Variants in FCMR observed in about 807,000 individuals in gnomAD.
FCMR encodes the protein immunoglobulin mu Fc receptor.
In FCMR, 34 loss-of-function variants were observed where a neutral mutation model predicts 41.6. The observed-to-expected ratio is 0.82, with a 90% confidence interval of 0.62 to 1.09. FCMR has a LOEUF of 1.09. Among genes scored for constraint, FCMR ranks in the 50% least tolerant of loss-of-function variants. FCMR has a pLI of 0.00. For missense variants in FCMR, 496 were observed against 512.5 expected, an observed-to-expected ratio of 0.97 and a Z score of 0.31; for synonymous variants, 209 against 211.8, an observed-to-expected ratio of 0.99 and a Z score of 0.12.
At chr1:206,915,654 G>T (rs1275113560) in intron 1 of FCMR, among the ~76,000 whole-genome samples, 1 of 152,208 alleles carries the variant, frequency 6.6e-6, no homozygotes, top group East Asian at 1.9e-4. Flanking sequence ...TGGGAAGAAA[G>T]TTCATAGGGT....
At chr1:206,920,309 G>T (rs1291962955) in intron 1 of FCMR, among the ~76,000 whole-genome samples, 2 of 152,114 alleles carry the variant, frequency 1.3e-5, no homozygotes, top group African/African-American at 4.8e-5. Context: ...ACAAAATTTA[G>T]CCTGTCACGA....
intron 7 of FCMR, chr1:206,908,279 TC>T: frequency 1.0e-6 from 1 of 1,000,968 alleles, no homozygotes; most frequent in Non-Finnish European, 1.5e-6. Context: ...CTGCCCTTCC[TC>T]CATCGTCGCC....
Position 206,921,544 on chromosome 1 carries a change from T to C in FCMR, c.37+274A>G, listed in dbSNP as rs1359834183. The C allele has an allele frequency of 5.7e-6, 3 of 528,782 alleles. No individual in the cohort carries two copies. In the Admixed American group the frequency reaches 8.9e-5, roughly 16 times the overall value. The allele number at this position is 528,782 out of a possible 1,614,324, so 32.8% of individuals were successfully genotyped here. A position where few individuals can be genotyped will look rare whatever the true frequency, so the allele number is the denominator to read the frequency against. On this transcript the variant is annotated intron_variant, in intron 1 of 7. Transcript: ENST00000367091. Reference sequence around the variant, plus strand: ...CGAACCCAGGAGTACAAGACTGCAGTGAGCCATGATCACACCACTGCACTC... The same window carrying C: ...CGAACCCAGGAGTACAAGACTGCAGCGAGCCATGATCACACCACTGCACTC...
At chr1:206,912,577 C>T (rs1678988653) in intron 3 of FCMR, among the ~76,000 whole-genome samples, 1 of 152,232 alleles carries the variant, frequency 6.6e-6, no homozygotes, top group Admixed American at 6.5e-5. Context: ...AAGCACGAGA[C>T]ATGATGATCT....
At chr1:206,907,459 C>T (rs1172281936) in intron 7 of FCMR, among the ~76,000 whole-genome samples, 1 of 152,254 alleles carries the variant, frequency 6.6e-6, no homozygotes, top group Non-Finnish European at 1.5e-5. Context: ...TCTTGGCTCA[C>T]TGGCTCAGGC....
In FCMR at chr1:206,914,108, A is replaced by G; in HGVS notation, c.38-14T>C. 6.3e-7 allele frequency: 1 copy of G among 1,581,926 alleles called. No homozygotes were observed. Among genetic ancestry groups the G allele is most frequent in the Admixed American group, 1.7e-5 (1 of 59,928 alleles). On this transcript the variant is annotated splice_polypyrimidine_tract_variant and intron_variant, in intron 1 of 7. Transcript: ENST00000367091. ...GGGCCCCCGATACTGCAGGGAGAGG[A>G]GATTAATGCAGAGGGAGCCCCATCT...
intron 2 of FCMR, 65 bp from the exon 3 acceptor site, chr1:206,913,107 G>T: frequency 7.8e-7 from 1 of 1,288,862 alleles, no homozygotes; most frequent in Non-Finnish European, 1.1e-6. Flanking sequence ...GGTGTAAACT[G>T]AAGCTAATTC....
rs1356846866 is a variant in FCMR, at chr1:206,912,997, T to G, written c.419A>C (p.Lys140Thr). 2 of 1,613,866 alleles carry G rather than the reference T, an allele frequency of 1.2e-6. No homozygotes were observed. The highest frequency in any genetic ancestry group is 1.7e-6 in the Non-Finnish European group (2 of 1,179,770). The change falls in exon 3 of 8, where the codon AAA becomes ACA. Residue 140 changes from lysine (K) to threonine (T), a missense_variant. Lys to Thr is a moderately conservative substitution (Grantham distance 78, BLOSUM62 -1). Transcript: ENST00000367091. ...GAACAAATAGGGCAGATGAAACCAT[T>G]TTGGAGTCTCAGGCATTGGCTGCTC... ...WEEQPMPETP[K>T]WFHLPYLFQM...
At chr1:206,906,567 T>C (rs186473803) in intron 7 of FCMR, among the ~76,000 whole-genome samples, 13 of 152,366 alleles carry the variant, frequency 8.5e-5, no homozygotes, top group African/African-American at 1.2e-4. Context: ...CTGCCTGTTA[T>C]AGTTCATCAT....
chr1:206,917,765 C>T (rs1174128219), intron 1 of FCMR: 2 of 451,296 alleles, frequency 4.4e-6, no homozygotes, highest in South Asian at 3.1e-5. Flanking sequence ...TAGCTGAGAT[C>T]ACAGGCGCCT....
At chr1:206,919,653 G>C (rs920037620) in intron 1 of FCMR, among the ~76,000 whole-genome samples, 1 of 152,130 alleles carries the variant, frequency 6.6e-6, no homozygotes, top group Non-Finnish European at 1.5e-5. Context: ...GGCCTGCAAA[G>C]TGCTCACCCT....
At chr1:206,912,844 T>C in intron 3 of FCMR, 85 bp downstream of exon 3, 1 of 947,878 alleles carries the variant, frequency 1.1e-6, no homozygotes. Flanking sequence ...AGCCACTCTA[T>C]GAACTGAACA....
At chr1:206,916,613 T>C (rs1679203868) in intron 1 of FCMR, among the ~76,000 whole-genome samples, 1 of 152,222 alleles carries the variant, frequency 6.6e-6, no homozygotes, top group Non-Finnish European at 1.5e-5. Flanking sequence ...GTTGGCGATG[T>C]GAAAATGACC....
Position 206,904,754 on chromosome 1 carries a change from G to A in FCMR, c.*265C>T, listed in dbSNP as rs1572612279. 2.2e-6 allele frequency: 1 copy of A among 447,684 alleles called. No individual in the cohort carries two copies. The highest frequency in any genetic ancestry group is 4.1e-6 in the Non-Finnish European group (1 of 241,654). 27.7% of individuals were successfully genotyped at this position (447,684 alleles called of 1,614,324 possible). On this transcript the variant is annotated 3_prime_UTR_variant, in exon 8 of 8. Transcript: ENST00000367091. ...AATCCCACAGTCTGTTCGACGGCTTGGAAAGGAAGCAAGTGGCATTGGGAC... is the reference window on the plus strand; with the variant it reads ...AATCCCACAGTCTGTTCGACGGCTTAGAAAGGAAGCAAGTGGCATTGGGAC...
At chr1:206,916,284 C>A (rs1392332220) in intron 1 of FCMR, among the ~76,000 whole-genome samples, 1 of 152,224 alleles carries the variant, frequency 6.6e-6, no homozygotes, top group Non-Finnish European at 1.5e-5. Flanking sequence ...CCCTGTGCAT[C>A]CAGACAGCCC....
intron 5 of FCMR, 114 bp downstream of exon 5, chr1:206,910,096 C>T: frequency 7.8e-7 from 1 of 1,287,142 alleles, no homozygotes; most frequent in Non-Finnish European, 1.0e-6. Context: ...CTTCCCTACA[C>T]CCCAGGCTGC....
rs1026418613 is a variant in FCMR at position 206,917,769 on chromosome 1, G to A, written c.38-3675C>T. ...AGCCTCCTGAATAGCTGAGATCACA[G>A]GCGCCTGCCACCATGTGTGGCGAAT... is the stretch of plus-strand genomic sequence containing the variant. On this transcript the variant is annotated intron_variant, in intron 1 of 7. Transcript: ENST00000367091. 7.1e-5 allele frequency: 32 copies of A among 451,926 alleles called. No homozygotes were observed. In the Admixed American group the frequency reaches 7.4e-4, roughly 10 times the overall value. The allele number at this position is 451,926 out of a possible 1,614,324, so 28.0% of individuals were successfully genotyped here. A position where few individuals can be genotyped will look rare whatever the true frequency, so the allele number is the denominator to read the frequency against.
At position 206,912,993 on chromosome 1, in the gene FCMR, C is replaced by A. The variant is rs1417730538; in HGVS notation, c.423G>T (p.Trp141Cys). 1 of 1,613,724 alleles carries A rather than the reference C, an allele frequency of 6.2e-7. No individual in the cohort carries two copies. The highest frequency in any genetic ancestry group is 1.3e-5 in the African/African-American group (1 of 74,898). ...TCTGGAACAAATAGGGCAGATGAAACCATTTTGGAGTCTCAGGCATTGGCT... is the reference window on the plus strand; with the variant it reads ...TCTGGAACAAATAGGGCAGATGAAAACATTTTGGAGTCTCAGGCATTGGCT... ...EEQPMPETPK[W>C]FHLPYLFQMP... The change falls in exon 3 of 8, where the codon TGG (tryptophan) becomes TGT (cysteine). Residue 141 changes from tryptophan (W) to cysteine (C), a missense_variant. Physicochemically the swap from Trp to Cys is radical, Grantham distance 215. Coordinates refer to ENST00000367091, the MANE Select transcript of FCMR (RefSeq NM_005449.5).
chr1:206,907,437 C>T (rs1036260213), intron 7 of FCMR, among the ~76,000 whole-genome samples: 6 of 152,174 alleles, frequency 3.9e-5, no homozygotes, highest in African/African-American at 1.4e-4. Flanking sequence ...GAATTTCAGT[C>T]CCGAGATGAC....
Sources: gnomAD v4.1 joint callset for allele counts (sites outside exome capture counted in the v4.1 genomes callset) on GRCh38, gnomAD v4.1.1 for gene constraint, MANE v1.5 for transcripts, NCBI Gene and HGNC (gene_info 2026-07-23, HGNC 2026-07-21) for gene names.